AHNAK: variants seen among roughly 807,000 people sequenced by gnomAD.
AHNAK encodes AHNAK nucleoprotein.
AHNAK carries 23 observed loss-of-function variants against 37.8 expected under a neutral mutation model. That is an observed-to-expected ratio of 0.61 (90% confidence interval 0.44 to 0.86). AHNAK has a LOEUF of 0.86. Ranked by LOEUF, AHNAK falls within the 40% of genes least tolerant of loss-of-function variation. The pLI, the probability that AHNAK is intolerant of heterozygous loss-of-function variation, is 0.00. For missense variants in AHNAK, 7,411 were observed against 7,319.4 expected (o/e 1.01, Z -0.46); for synonymous variants, 2,481 against 2,636.3 (o/e 0.94, Z 1.80).
chr11:62,480,803 TAAAAAAAAA>T (rs1172126377), intron 5 of AHNAK, among the ~76,000 whole-genome samples: 5 of 44,494 alleles, frequency 1.1e-4, no homozygotes, highest in East Asian at 1.0e-3. Context: ...TGCGTGCAGT[TAAAAAAAAA>T]AAAAAAAAAA....
intron 5 of AHNAK, among the ~76,000 whole-genome samples, chr11:62,490,197 C>CTTTTTTTTT (rs944550481): frequency 2.6e-5 from 3 of 115,932 alleles, no homozygotes; most frequent in Non-Finnish European, 5.4e-5. Flanking sequence ...TTTTCTTTTT[C>CTTTTTTTTT]TTTTTTTTTT....
chr11:62,491,915 T>C, intron 4 of AHNAK: 2 of 1,280,192 alleles, frequency 1.6e-6, no homozygotes, highest in Non-Finnish European at 2.2e-6. Flanking sequence ...TATGGGTGTA[T>C]AAAATACCAG....
In AHNAK at chr11:62,519,509, C is replaced by T; in HGVS notation, c.14908G>A (p.Val4970Ile). 1 of 1,613,162 alleles carries T rather than the reference C, an allele frequency of 6.2e-7. No individual in the cohort carries two copies. The highest frequency in any genetic ancestry group is 2.2e-5 in the East Asian group (1 of 44,878). The change falls in exon 5 of 5, where the codon GTT becomes ATT. Residue 4970 changes from valine (V) to isoleucine (I), a missense_variant. Coordinates refer to ENST00000378024, the MANE Select transcript of AHNAK (RefSeq NM_001620.3). ...GGTTTCTTAAATTTGGGGATTTTAA[C>T]ATCTGGCCCTTCGATGTTAATATCT... is the stretch of plus-strand genomic sequence containing the variant. ...SPDINIEGPD[V>I]KIPKFKKPKF...
chr11:62,538,040 G>A (rs1941008374), intron 1 of AHNAK, among the ~76,000 whole-genome samples: 1 of 151,916 alleles, frequency 6.6e-6, no homozygotes, highest in Non-Finnish European at 1.5e-5. Flanking sequence ...TAACAGGTGG[G>A]AGCCTCCTCA....
At position 62,527,661 on chromosome 11, in the gene AHNAK, G is replaced by A. The variant is rs747628666; in HGVS notation, c.6756C>T (p.Ser2252=). Residue 2252 remains serine, a synonymous_variant, in exon 5 of 5, where the codon AGC becomes AGT. Transcript: ENST00000378024. Reference sequence around the variant, plus strand: ...GGCCCTCTCCTTTGAAGCCAGGCATGCTGAACTTGGGCATTTTCATCTTAG... The same window carrying A: ...GGCCCTCTCCTTTGAAGCCAGGCATACTGAACTTGGGCATTTTCATCTTAG... The part of the protein sequence containing the change: ...KMPKMKMPKF[S]MPGFKGEGPE... 4.3e-6 allele frequency: 7 copies of A among 1,614,042 alleles called. No homozygotes were observed. The highest frequency in any genetic ancestry group is 1.7e-5 in the Admixed American group (1 of 60,004).
At chr11:62,535,879 T>C in intron 3 of AHNAK, 66 bp downstream of exon 3, 1 of 1,547,988 alleles carries the variant, frequency 6.5e-7, no homozygotes, top group Non-Finnish European at 8.7e-7. Flanking sequence ...CTCCCTGCCC[T>C]TCCCTCCAAC....
Position 62,517,176 on chromosome 11 carries a change from C to G in AHNAK, c.17241G>C (p.Lys5747Asn). Reference sequence around the variant, plus strand: ...CTCCTTCCAGAGAGCCCAGGCTGGCCTTTGAACTTTTCAGGTCACCTTTGG... The same window carrying G: ...CTCCTTCCAGAGAGCCCAGGCTGGCGTTTGAACTTTTCAGGTCACCTTTGG... ...SGSKGDLKSS[K>N]ASLGSLEGEA... is the part of the protein sequence containing the mutation. The change falls in exon 5 of 5, where the codon AAG becomes AAC. Residue 5747 changes from lysine (K) to asparagine (N), a missense_variant. By Grantham distance (94) the Lys-to-Asn change is moderately conservative. Transcript: ENST00000378024. 6.2e-7 allele frequency: 1 copy of G among 1,613,904 alleles called. No individual in the cohort carries two copies. The highest frequency in any genetic ancestry group is 8.5e-7 in the Non-Finnish European group (1 of 1,180,042).
intron 5 of AHNAK, among the ~76,000 whole-genome samples, chr11:62,440,221 C>T (rs1397286626): frequency 6.6e-6 from 1 of 152,042 alleles, no homozygotes; most frequent in African/African-American, 2.4e-5. Flanking sequence ...CTCACAGGGG[C>T]CTTAGATATG....
intron 4 of AHNAK, among the ~76,000 whole-genome samples, chr11:62,494,447 T>A (rs900534337): frequency 6.6e-6 from 1 of 151,996 alleles, no homozygotes; most frequent in Non-Finnish European, 1.5e-5. Context: ...TGCCAAACGA[T>A]TTTTACCCTT....
chr11:62,520,111 A>G lies in AHNAK; in HGVS notation c.14306T>C (p.Val4769Ala), dbSNP rs1051551189. The G allele has an allele frequency of 3.1e-6, 5 of 1,612,088 alleles. No individual in the cohort carries two copies. The Admixed American group carries it at 5.0e-5, about 16-fold the overall frequency. The change falls in exon 5 of 5, where the codon GTG becomes GCG. Residue 4769 changes from valine (V) to alanine (A), a missense_variant. Coordinates refer to ENST00000378024, the MANE Select transcript of AHNAK (RefSeq NM_001620.3). ...GPKVDINTPD[V>A]DVHGPDWHLK... is the part of the protein sequence containing the mutation. ...GTGCCAGTCTGGGCCATGAACATCC[A>G]CATCAGGGGTGTTGATGTCCACTTT... is the stretch of plus-strand genomic sequence containing the variant.
At chr11:62,464,004 G>C (rs1322043342) in intron 5 of AHNAK, among the ~76,000 whole-genome samples, 1 of 151,040 alleles carries the variant, frequency 6.6e-6, no homozygotes, top group East Asian at 2.0e-4. Flanking sequence ...TCCTGATCTC[G>C]TGATCCGCCC....
At position 62,521,293 on chromosome 11, in the gene AHNAK, A is replaced by G. The variant is rs1455841056; in HGVS notation, c.13124T>C (p.Met4375Thr). 9 of 1,613,670 alleles carry G rather than the reference A, an allele frequency of 5.6e-6. No individual in the cohort carries two copies. Among genetic ancestry groups the G allele is most frequent in the Non-Finnish European group, 7.6e-6 (9 of 1,179,956 alleles). The part of the protein sequence containing the change: ...DAKLKGPKFK[M>T]PEMNIKAPKI... ...GGGGGCCTTGATGTTCATCTCTGGC[A>G]TCTTGAACTTTGGACCCTTGAGTTT... The change falls in exon 5 of 5, where the codon ATG becomes ACG. Residue 4375 changes from methionine (M) to threonine (T), a missense_variant. Met to Thr is a moderately conservative substitution (Grantham distance 81). Transcript: ENST00000378024.
chr11:62,530,513 G>T lies in AHNAK; in HGVS notation c.3904C>A (p.Pro1302Thr). 1 of 1,610,632 alleles carries T rather than the reference G, an allele frequency of 6.2e-7. No individual in the cohort carries two copies. ...TTGGGGCCCTTCAGCTTTCCTTCCG[G>T]GCCCTCAAGGCTCACATCTGGGACT... ...VEVPDVSLEG[P>T]EGKLKGPKFK... The change falls in exon 5 of 5, where the codon CCG (proline) becomes ACG (threonine). Residue 1302 changes from proline (P) to threonine (T), a missense_variant. Physicochemically the swap from Pro to Thr is conservative, Grantham distance 38. Transcript: ENST00000378024.
At chr11:62,514,770 CT>C (rs1257933993), downstream of AHNAK, among the ~76,000 whole-genome samples, 1 of 152,186 alleles carries the variant, frequency 6.6e-6, no homozygotes, top group Non-Finnish European at 1.5e-5. Flanking sequence ...TATCAAGGGC[CT>C]CCCTCCCAAC....
chr11:62,515,677 C>G (rs1590643184), downstream of AHNAK, among the ~76,000 whole-genome samples: 1 of 152,318 alleles, frequency 6.6e-6, no homozygotes, highest in African/African-American at 2.4e-5. Flanking sequence ...GAGTGGGTCC[C>G]GAGGCCAAGC....
At chr11:62,483,579 C>A (rs1199035653) in intron 5 of AHNAK, among the ~76,000 whole-genome samples, 1 of 149,776 alleles carries the variant, frequency 6.7e-6, no homozygotes, top group African/African-American at 2.5e-5. Context: ...AAAACTACAG[C>A]CAGGCGCGGT....
chr11:62,526,580 C>T lies in AHNAK; in HGVS notation c.7837G>A (p.Val2613Ile). The T allele has an allele frequency of 6.2e-7, 1 of 1,613,524 alleles. No individual in the cohort carries two copies. The highest frequency in any genetic ancestry group is 8.5e-7 in the Non-Finnish European group (1 of 1,179,908). Residue 2613 changes from valine to isoleucine, a missense_variant, in exon 5 of 5, where the codon GTT (valine) becomes ATT (isoleucine). By Grantham distance (29) the Val-to-Ile change is conservative (BLOSUM62 3). Transcript: ENST00000378024. ...KVEGDLKGPE[V>I]DIKGPKVDIN... ...TCCACTTTGGGCCCCTTGATGTCAA[C>T]TTCGGGGCCCTTGAGGTCACCTTCC...
downstream of AHNAK, among the ~76,000 whole-genome samples, chr11:62,515,218 TACAC>T (rs1939985924): frequency 6.6e-6 from 1 of 152,176 alleles, no homozygotes; most frequent in Non-Finnish European, 1.5e-5. Flanking sequence ...AGAGATAACT[TACAC>T]AAGATCAGCA....
rs755846926 is a variant in AHNAK at position 62,518,004 on chromosome 11, G to C, written c.16413C>G (p.Ile5471Met). Residue 5471 changes from isoleucine to methionine, a missense_variant, in exon 5 of 5, where the codon ATC (isoleucine) becomes ATG (methionine). Transcript: ENST00000378024. The part of the protein sequence containing the change: ...VKGSLGATGE[I>M]KGPTVGGGLP... ...GACCTCCTCCGACAGTGGGGCCTTTGATCTCACCAGTGGCCCCAAGGCTCC... is the reference window on the plus strand; with the variant it reads ...GACCTCCTCCGACAGTGGGGCCTTTCATCTCACCAGTGGCCCCAAGGCTCC... 2 of 1,614,042 alleles carry C rather than the reference G, an allele frequency of 1.2e-6. No individual in the cohort carries two copies. Among genetic ancestry groups the C allele is most frequent in the African/African-American group, 2.7e-5 (2 of 74,890 alleles).
Sources: gnomAD v4.1 joint callset for allele counts (sites outside exome capture counted in the v4.1 genomes callset) on GRCh38, gnomAD v4.1.1 for gene constraint, MANE v1.5 for transcripts, NCBI Gene and HGNC (gene_info 2026-07-23, HGNC 2026-07-21) for gene names.